Variants in KIF26B observed in about 807,000 individuals in gnomAD.
KIF26B encodes the protein kinesin family member 26B.
Under a neutral mutation model 151.2 loss-of-function variants are expected in KIF26B, and 63 were observed. That is an observed-to-expected ratio of 0.42 (90% CI 0.34 to 0.51). KIF26B has a LOEUF of 0.51. Among genes scored for constraint, KIF26B ranks in the 20% least tolerant of loss-of-function variants. The pLI, the probability that KIF26B is intolerant of heterozygous loss-of-function variation, is 0.07. For synonymous variants in KIF26B, 1,357 were observed against 1,262.1 expected (o/e 1.08, Z -1.59); for missense variants, 2,813 against 2,913.6 (o/e 0.97, Z 0.79).
chr1:245,665,931 C>A (rs186431598), intron 10 of KIF26B, among the ~76,000 whole-genome samples: 1 of 151,344 alleles, frequency 6.6e-6, no homozygotes, highest in Admixed American at 6.6e-5. Context: ...GTGATCCACC[C>A]GCGGTCAGCC....
At chr1:245,660,815 A>T (rs950451383) in intron 10 of KIF26B, among the ~76,000 whole-genome samples, 4 of 151,878 alleles carry the variant, frequency 2.6e-5, no homozygotes, top group African/African-American at 9.7e-5. Flanking sequence ...TCCATTTCTC[A>T]TTGTAATTAT....
intron 5 of KIF26B, among the ~76,000 whole-genome samples, chr1:245,547,733 T>C (rs546052290): frequency 6.6e-6 from 1 of 152,210 alleles, no homozygotes. Context: ...CAGCACATTT[T>C]GGTTTAATTA....
At chr1:245,646,791 A>C (rs190139078) in intron 10 of KIF26B, among the ~76,000 whole-genome samples, 120 of 152,328 alleles carry the variant, frequency 7.9e-4, no homozygotes, top group African/African-American at 2.8e-3. Flanking sequence ...CTGGCAACCC[A>C]ATCTCGGGAG....
Position 245,323,197 on chromosome 1 carries a change from T to A in KIF26B, c.466-43637T>A, listed in dbSNP as rs116834902. Among the ~76,000 whole-genome samples, 988 of 152,348 alleles carry A rather than the reference T, an allele frequency of 6.5e-3. 16 individuals are homozygous for A. Among genetic ancestry groups the A allele is most frequent in the African/African-American group, 0.023 (944 of 41,580 alleles). On this transcript the variant is annotated intron_variant, in intron 2 of 14. Transcript: ENST00000407071. Reference sequence around the variant, plus strand: ...ATGGATGTGTATACACGCATGGATTTGTGTAGATATGTGTGGTTGTGACGT... The same window carrying A: ...ATGGATGTGTATACACGCATGGATTAGTGTAGATATGTGTGGTTGTGACGT...
At chr1:245,403,301 A>T (rs1387218251) in intron 3 of KIF26B, among the ~76,000 whole-genome samples, 1 of 152,176 alleles carries the variant, frequency 6.6e-6, no homozygotes, top group Non-Finnish European at 1.5e-5. Context: ...TTAAAGGTTT[A>T]TAGAAGGAAG....
intron 4 of KIF26B, among the ~76,000 whole-genome samples, chr1:245,478,083 C>G (rs867201723): frequency 1.3e-5 from 2 of 151,834 alleles, no homozygotes; most frequent in African/African-American, 4.8e-5. Flanking sequence ...TGGAATCATA[C>G]AATACGTGAA....
In KIF26B at chr1:245,539,675, C is replaced by T. The variant is rs4658786; in HGVS notation, c.1167-1092C>T. On this transcript the variant is annotated intron_variant, in intron 4 of 14. Coordinates refer to ENST00000407071, the MANE Select transcript of KIF26B (RefSeq NM_018012.4). ...GATTTGTTTTGTTTTTCTTTTGAGACGGAGTCTCACTCTGTCACCCAGCCT... is the reference window on the plus strand; with the variant it reads ...GATTTGTTTTGTTTTTCTTTTGAGATGGAGTCTCACTCTGTCACCCAGCCT... Among the ~76,000 whole-genome samples, 34 of 152,226 alleles carry T rather than the reference C, an allele frequency of 2.2e-4. No individual in the cohort carries two copies. In the South Asian group the frequency reaches 3.5e-3, roughly 16 times the overall value.
At chr1:245,295,925 G>T (rs1478867656) in intron 2 of KIF26B, among the ~76,000 whole-genome samples, 2 of 152,178 alleles carry the variant, frequency 1.3e-5, no homozygotes, top group Non-Finnish European at 2.9e-5. Context: ...TAGAACTTGA[G>T]TTGGCCTGAC....
chr1:245,651,783 G>A (rs1474323864), intron 10 of KIF26B, among the ~76,000 whole-genome samples: 1 of 152,160 alleles, frequency 6.6e-6, no homozygotes, highest in Non-Finnish European at 1.5e-5. Flanking sequence ...CGCTCCTTAT[G>A]AGAATCTAAT....
chr1:245,280,329 C>T (rs1024665759), intron 2 of KIF26B, among the ~76,000 whole-genome samples: 9 of 145,782 alleles, frequency 6.2e-5, no homozygotes, highest in Non-Finnish European at 1.2e-4. Flanking sequence ...CTGGCTAACA[C>T]GGTGAAACCC....
chr1:245,558,727 C>T (rs1459491037), intron 5 of KIF26B, among the ~76,000 whole-genome samples: 1 of 152,248 alleles, frequency 6.6e-6, no homozygotes, highest in East Asian at 1.9e-4. Context: ...TTCAGTTACT[C>T]TTTACCTGGA....
chr1:245,293,116 GTA>G (rs1161506651), intron 2 of KIF26B, among the ~76,000 whole-genome samples: 1 of 152,190 alleles, frequency 6.6e-6, no homozygotes, highest in Non-Finnish European at 1.5e-5. Flanking sequence ...TTGTGTGTGT[GTA>G]TGTGTGTGTG....
chr1:245,617,589 A>G (rs1445329151), intron 9 of KIF26B, among the ~76,000 whole-genome samples: 1 of 152,146 alleles, frequency 6.6e-6, no homozygotes, highest in Non-Finnish European at 1.5e-5. Flanking sequence ...CCAGCAGCGA[A>G]GCCCTGTGCA....
intron 10 of KIF26B, among the ~76,000 whole-genome samples, chr1:245,666,812 T>G (rs187621738): frequency 6.6e-6 from 1 of 152,184 alleles, no homozygotes; most frequent in East Asian, 1.9e-4. Context: ...ACATTTTTGC[T>G]CTGGAGACCT....
chr1:245,325,544 C>A (rs1021636806), intron 2 of KIF26B, among the ~76,000 whole-genome samples: 9 of 152,118 alleles, frequency 5.9e-5, no homozygotes, highest in African/African-American at 2.2e-4. Context: ...GAAACCCCGT[C>A]TCTACTACAA....
Position 245,303,197 on chromosome 1 carries a change from C to CTTT in KIF26B, c.466-63620_466-63618dup, listed in dbSNP as rs757473264. Among the ~76,000 whole-genome samples, 470 of 102,568 alleles carry CTTT rather than the reference C, an allele frequency of 4.6e-3. 20 individuals carry two copies. The highest frequency in any genetic ancestry group is 0.013 in the South Asian group (37 of 2,956). 67.3% of individuals were successfully genotyped at this position (102,568 alleles called of 152,430 possible). A position where few individuals can be genotyped will look rare whatever the true frequency, so the allele number is the denominator to read the frequency against. Reference sequence around the variant, plus strand: ...AATTTGTTGAACTAAACTAAATGTTCTTTTTTTTTTTTTTTTTTTGCGACG... The same window carrying CTTT: ...AATTTGTTGAACTAAACTAAATGTTCTTTTTTTTTTTTTTTTTTTTTTGCGACG... On this transcript the variant is annotated intron_variant, in intron 2 of 14. Coordinates refer to ENST00000407071, the MANE Select transcript of KIF26B (RefSeq NM_018012.4).
chr1:245,194,863 G>C (rs995791278), intron 2 of KIF26B, among the ~76,000 whole-genome samples: 1 of 152,206 alleles, frequency 6.6e-6, no homozygotes, highest in African/African-American at 2.4e-5. Flanking sequence ...TCTTCACTCT[G>C]TGAAGTACAT....
At chr1:245,183,131 C>T (rs890972216) in intron 2 of KIF26B, among the ~76,000 whole-genome samples, 1 of 152,142 alleles carries the variant, frequency 6.6e-6, no homozygotes. Context: ...TTTATTCAAC[C>T]TTTTGGTGTT....
At chr1:245,328,094 A>G (rs1246602996) in intron 2 of KIF26B, among the ~76,000 whole-genome samples, 1 of 151,174 alleles carries the variant, frequency 6.6e-6, no homozygotes, top group African/African-American at 2.5e-5. Context: ...GAGGGTGGGC[A>G]GGAGGTCTCC....
Sources: gnomAD v4.1 joint callset for allele counts (sites outside exome capture counted in the v4.1 genomes callset) on GRCh38, gnomAD v4.1.1 for gene constraint, MANE v1.5 for transcripts, NCBI Gene and HGNC (gene_info 2026-07-23, HGNC 2026-07-21) for gene names.